LRP12: variants seen among roughly 807,000 people sequenced by gnomAD.
LRP12 encodes low-density lipoprotein receptor-related protein 12.
Under a neutral mutation model 66.0 loss-of-function variants are expected in LRP12, and 14 were observed. The observed-to-expected ratio is 0.21, with a 90% CI of 0.14 to 0.33. The LOEUF (loss-of-function observed/expected upper bound fraction) is 0.33. Ranked by LOEUF, LRP12 falls within the 10% of genes least tolerant of loss-of-function variation. The pLI is 1.00. For synonymous variants in LRP12, 357 were observed against 359.1 expected (o/e 0.99, Z 0.07); for missense variants, 889 against 1,053.4 (o/e 0.84, Z 2.16).
At chr8:104,526,280 C>T (rs1407822281) in intron 2 of LRP12, among the ~76,000 whole-genome samples, 1 of 152,086 alleles carries the variant, frequency 6.6e-6, no homozygotes, top group Admixed American at 6.5e-5. Flanking sequence ...AGATTCAATG[C>T]CATCCCCATC....
chr8:104,542,770 G>A (rs1588498026), intron 1 of LRP12, among the ~76,000 whole-genome samples: 2 of 152,004 alleles, frequency 1.3e-5, no homozygotes, highest in South Asian at 4.1e-4. Context: ...AATAAAGTTA[G>A]CTAGAGAAAA....
intron 1 of LRP12, among the ~76,000 whole-genome samples, chr8:104,568,308 T>C (rs1253392825): frequency 6.6e-6 from 1 of 152,076 alleles, no homozygotes; most frequent in Admixed American, 6.5e-5. Flanking sequence ...AGCAAAATTA[T>C]AAAACTCTTA....
rs1211005578 is a variant in LRP12 at position 104,497,712 on chromosome 8, A to G, written c.840T>C (p.Pro280=). Residue 280 remains proline (P), a synonymous_variant, in exon 5 of 7, where the codon CCT becomes CCC. Coordinates refer to ENST00000276654, the MANE Select transcript of LRP12 (RefSeq NM_013437.5). This position sits in a 1 kb window ranked among gnomAD's most constrained non-coding sequence, Gnocchi z 4.3. ...TTAACCAGGTGCAATTGCTTCCAGG[A>G]GGATAAAAGTCTGGATAATTGGGAG... The part of the protein sequence containing the change: ...FNSPNYPDFY[P]PGSNCTWLID... 6.2e-7 allele frequency: 1 copy of G among 1,613,832 alleles called. No homozygotes were observed. The highest frequency in any genetic ancestry group is 1.1e-5 in the South Asian group (1 of 90,986).
chr8:104,492,533 T>C (rs1447545826), intron 6 of LRP12, among the ~76,000 whole-genome samples: 16 of 152,192 alleles, frequency 1.1e-4, no homozygotes, highest in Admixed American at 1.0e-3. Flanking sequence ...CAGTTGATGA[T>C]ACCATCTCCT....
rs1396062081 is a variant in LRP12 at position 104,547,375 on chromosome 8, CTGTTATATTT to C, written c.80-15422_80-15413del. 1.7e-3 allele frequency among the ~76,000 whole-genome samples: 184 copies of C among 107,460 alleles called. 2 individuals are homozygous for C. The highest frequency in any genetic ancestry group is 2.5e-3 in the Non-Finnish European group (140 of 55,636). 70.5% of individuals were successfully genotyped at this position (107,460 alleles called of 152,430 possible). ...TATATTTTGTATATAATATACAATTCTGTTATATTTTGTATATAATATACAATTCTGTTAT... is the reference window on the plus strand; with the variant it reads ...TATATTTTGTATATAATATACAATTCTGTATATAATATACAATTCTGTTAT... On this transcript the variant is annotated intron_variant, in intron 1 of 6. Transcript: ENST00000276654.
At chr8:104,518,738 G>A (rs2140851229) in intron 2 of LRP12, among the ~76,000 whole-genome samples, 1 of 152,072 alleles carries the variant, frequency 6.6e-6, no homozygotes, top group East Asian at 1.9e-4. Flanking sequence ...TTTATAAACA[G>A]CATTCTAGAA....
At chr8:104,573,166 G>C (rs59042845) in intron 1 of LRP12, among the ~76,000 whole-genome samples, 2,574 of 152,244 alleles carry the variant, frequency 0.017, 72 homozygotes, top group African/African-American at 0.058. Flanking sequence ...CTTTGTACCT[G>C]GGCAAATACT....
At chr8:104,579,932 G>A (rs886664031) in intron 1 of LRP12, among the ~76,000 whole-genome samples, 5 of 152,112 alleles carry the variant, frequency 3.3e-5, no homozygotes, top group African/African-American at 1.2e-4. Flanking sequence ...ATTAACTCAA[G>A]ACGGATTGAA....
Position 104,525,807 on chromosome 8 carries a change from A to G in LRP12, c.136+6100T>C, listed in dbSNP as rs1171366530. ...TGCCCTCTCTCACCACTCCTATTCA[A>G]CATAGTGTTGGAAATTCTGGCCAGG... On this transcript the variant is annotated intron_variant, in intron 2 of 6. Transcript: ENST00000276654. 5.9e-5 allele frequency among the ~76,000 whole-genome samples: 9 copies of G among 152,298 alleles called. No homozygotes were observed. The East Asian group carries it at 9.7e-4, about 16-fold the overall frequency.
At chr8:104,521,702 T>A (rs1811154531) in intron 2 of LRP12, among the ~76,000 whole-genome samples, 1 of 151,750 alleles carries the variant, frequency 6.6e-6, no homozygotes, top group South Asian at 2.1e-4. Context: ...CAAACTATGT[T>A]CTGTTTTTAT....
At chr8:104,508,559 G>C (rs1018262497) in intron 3 of LRP12, 6 of 163,488 alleles carry the variant, frequency 3.7e-5, no homozygotes, top group East Asian at 1.7e-4. Flanking sequence ...TAGGTAGAAG[G>C]CTCTACTAAT....
Position 104,490,729 on chromosome 8 carries a change from A to C in LRP12, c.2524T>G (p.Leu842Val). The C allele has an allele frequency of 6.2e-7, 1 of 1,614,046 alleles. No individual in the cohort carries two copies. The highest frequency in any genetic ancestry group is 1.1e-5 in the South Asian group (1 of 91,038). Residue 842 changes from leucine (L) to valine (V), a missense_variant, in exon 7 of 7, where the codon TTA becomes GTA. Coordinates refer to ENST00000276654, the MANE Select transcript of LRP12 (RefSeq NM_013437.5). The stretch of plus-strand genomic sequence containing the variant: ...GTTTCGTTTTTCAGTGTTACTTCTA[A>C]GCAAGTGTCTGGTATCTGGGCAGTG... ...VHTAQIPDTC[L>V]EVTLKNETSD...
In LRP12 at chr8:104,491,605, AC is replaced by A. The variant is rs1445206203; in HGVS notation, c.1714-67del. ...GGTACTAAGATAAAAAAAAAAAAAA[AC>A]ACCCTTCTATTAAGAATGTGTTGTG... On this transcript the variant is annotated intron_variant, in intron 6 of 6. Coordinates refer to ENST00000276654, the MANE Select transcript of LRP12 (RefSeq NM_013437.5). 3.9e-3 allele frequency: 4,883 copies of A among 1,242,206 alleles called. 17 individuals are homozygous for A. The highest frequency in any genetic ancestry group is 7.8e-3 in the Admixed American group (295 of 37,824). The allele number at this position is 1,242,206 out of a possible 1,614,324, so 76.9% of individuals were successfully genotyped here.
chr8:104,569,504 A>G (rs996574052), intron 1 of LRP12, among the ~76,000 whole-genome samples: 13 of 152,180 alleles, frequency 8.5e-5, no homozygotes, highest in African/African-American at 3.1e-4. Flanking sequence ...ATTTGAAAAA[A>G]GTCAATCAAT....
At chr8:104,551,979 G>A (rs1055300059) in intron 1 of LRP12, among the ~76,000 whole-genome samples, 1 of 152,116 alleles carries the variant, frequency 6.6e-6, no homozygotes, top group African/African-American at 2.4e-5. Flanking sequence ...TTAACAATTT[G>A]GTTTCATATG....
At chr8:104,494,825 A>C (rs928696661) in intron 6 of LRP12, among the ~76,000 whole-genome samples, 13 of 152,228 alleles carry the variant, frequency 8.5e-5, no homozygotes, top group African/African-American at 3.1e-4. Flanking sequence ...AATACTTTTG[A>C]ATTATAATGC....
chr8:104,559,569 T>C (rs574174865), intron 1 of LRP12, among the ~76,000 whole-genome samples: 77 of 152,058 alleles, frequency 5.1e-4, no homozygotes, highest in African/African-American at 1.8e-3. Context: ...AAACAACTTA[T>C]TCATGTAACC....
At chr8:104,524,139 G>A (rs1287436689) in intron 2 of LRP12, among the ~76,000 whole-genome samples, 2 of 151,270 alleles carry the variant, frequency 1.3e-5, no homozygotes, top group African/African-American at 4.9e-5. Context: ...CTACTCGGGA[G>A]GCTGAGGTGG....
At chr8:104,540,741 G>A (rs1235599372) in intron 1 of LRP12, among the ~76,000 whole-genome samples, 1 of 152,028 alleles carries the variant, frequency 6.6e-6, no homozygotes, top group African/African-American at 2.4e-5. Flanking sequence ...CCATTCTTTT[G>A]TTGTTGTTGT....
Sources: gnomAD v4.1 joint callset for allele counts (sites outside exome capture counted in the v4.1 genomes callset) on GRCh38, gnomAD v4.1.1 for gene constraint, Gnocchi (gnomAD v3.1) non-coding constraint, MANE v1.5 for transcripts, NCBI Gene and HGNC (gene_info 2026-07-23, HGNC 2026-07-21) for gene names.